PROX1: variants seen among roughly 807,000 people sequenced by gnomAD.
PROX1 encodes the protein prospero homeobox 1.
Under a neutral mutation model 58.8 loss-of-function variants are expected in PROX1, and 7 were observed. The observed-to-expected ratio is 0.12, with a 90% CI of 0.07 to 0.22. The LOEUF (loss-of-function observed/expected upper bound fraction) is 0.22. Among genes scored for constraint, PROX1 ranks in the 10% least tolerant of loss-of-function variants. The pLI is 1.00. For synonymous variants in PROX1, 350 were observed against 358.3 expected (o/e 0.98, Z 0.26); for missense variants, 675 against 927.8 (o/e 0.73, Z 3.54).
intron 4 of PROX1, among the ~76,000 whole-genome samples, chr1:214,032,383 TA>T (rs1664686613): frequency 6.6e-6 from 1 of 152,018 alleles, no homozygotes; most frequent in South Asian, 2.1e-4. Context: ...ACTTTACCAT[TA>T]TTTTAAACTT....
chr1:213,990,908 C>G (rs1261022491), intron 1 of PROX1, among the ~76,000 whole-genome samples: 1 of 151,952 alleles, frequency 6.6e-6, no homozygotes, highest in Non-Finnish European at 1.5e-5. Flanking sequence ...TGTCATTGTC[C>G]CAGACATGTG....
upstream of PROX1, chr1:213,987,621 GCCGTCT>G (rs1209688375): frequency 6.8e-6 from 1 of 147,106 alleles, no homozygotes; most frequent in Non-Finnish European, 1.5e-5. Context: ...CGCCGCTCGC[GCCGTCT>G]CCCGCTTTGC....
At chr1:214,011,800 T>G in intron 4 of PROX1, 85 bp downstream of exon 4, 1 of 1,238,010 alleles carries the variant, frequency 8.1e-7, no homozygotes, top group Non-Finnish European at 1.1e-6. Context: ...CCAAATCTGT[T>G]TTTGTGTTGG....
intron 4 of PROX1, among the ~76,000 whole-genome samples, chr1:214,020,402 C>CA (rs2102751609): frequency 6.6e-6 from 1 of 152,334 alleles, no homozygotes; most frequent in Admixed American, 6.5e-5. Context: ...TACCCTCTCC[C>CA]AAAACCACTG....
chr1:214,002,412 CTT>C (rs774337530), intron 2 of PROX1, among the ~76,000 whole-genome samples: 298 of 116,312 alleles, frequency 2.6e-3, no homozygotes, highest in African/African-American at 9.0e-3. Context: ...TTTCTTTTTT[CTT>C]TTTTTTTTTT....
rs1347622184 is a variant in PROX1, at chr1:214,038,446, A to C, written c.*2612A>C. 1.3e-5 allele frequency: 2 copies of C among 151,972 alleles called. No homozygotes were observed. Among genetic ancestry groups the C allele is most frequent in the African/African-American group, 4.8e-5 (2 of 41,364 alleles). The allele number at this position is 151,972 out of a possible 1,614,324, so 9.4% of individuals were successfully genotyped here. On this transcript the variant is annotated 3_prime_UTR_variant, in exon 5 of 5. Coordinates refer to ENST00000366958, the MANE Select transcript of PROX1 (RefSeq NM_001270616.2). ...CTTAGCTCAACTCTCACCAAGTGAA[A>C]ATTGGCTACTTGGGAGAAAGTTAAC...
rs768366905 is a variant in PROX1 at position 213,988,411 on chromosome 1, AGAG to A, written c.-139_-137del. The A allele has an allele frequency of 2.0e-5, 3 of 147,932 alleles. No homozygotes were observed. The highest frequency in any genetic ancestry group is 2.1e-4 in the South Asian group (1 of 4,702). 9.2% of individuals were successfully genotyped at this position (147,932 alleles called of 1,614,324 possible). A position where few individuals can be genotyped will look rare whatever the true frequency, so the allele number is the denominator to read the frequency against. On this transcript the variant is annotated 5_prime_UTR_variant, in exon 1 of 5. Transcript: ENST00000366958. ...TCCTCTCTCTGCCGGGGGAAAAAAA[AGAG>A]AGAGAGAGAGATAGAGAGAGAGAGA...
chr1:213,985,399 A>T (rs1571787058), upstream of PROX1: 1 of 152,356 alleles, frequency 6.6e-6, no homozygotes, highest in Non-Finnish European at 1.5e-5. Context: ...CCCCGACAGT[A>T]GAGGACAGGA....
At position 214,039,426 on chromosome 1, in the gene PROX1, G is replaced by T. The variant is rs773698888; in HGVS notation, c.*3592G>T. The T allele has an allele frequency of 6.6e-6, 1 of 151,926 alleles. No individual in the cohort carries two copies. The highest frequency in any genetic ancestry group is 1.5e-5 in the Non-Finnish European group (1 of 68,000). The allele number at this position is 151,926 out of a possible 1,614,324, so 9.4% of individuals were successfully genotyped here. On this transcript the variant is annotated 3_prime_UTR_variant, in exon 5 of 5. Transcript: ENST00000366958. ...CTTTGTCACTGTACTAGGGATGTGG[G>T]TGAATATCATTTAAAAAAATTTAAA... is the stretch of plus-strand genomic sequence containing the variant.
chr1:214,011,486 A>G (rs1663908168), intron 3 of PROX1, 35 bp from the exon 4 acceptor site: 2 of 1,536,694 alleles, frequency 1.3e-6, no homozygotes, highest in Non-Finnish European at 1.8e-6. Flanking sequence ...GAAAATGGCA[A>G]TGTTCTTATC....
In PROX1 at chr1:213,997,519, A is replaced by G; in HGVS notation, c.984A>G (p.Glu328=). Residue 328 remains glutamate (E), a synonymous_variant, in exon 2 of 5, where the codon GAA becomes GAG. Coordinates refer to ENST00000366958, the MANE Select transcript of PROX1 (RefSeq NM_001270616.2). This position sits in a 1 kb window ranked among gnomAD's most constrained non-coding sequence, Gnocchi z 7.1. ...TGGCTGAAAACAAGCCGAAGCGAGA[A>G]GGCAACAACAAAGAAAGAGACCATG... ...QEMAENKPKR[E]GNNKERDHGP... 1 of 1,614,066 alleles carries G rather than the reference A, an allele frequency of 6.2e-7. No individual in the cohort carries two copies.
At chr1:214,027,093 C>T (rs1255507318) in intron 4 of PROX1, among the ~76,000 whole-genome samples, 1 of 152,172 alleles carries the variant, frequency 6.6e-6, no homozygotes, top group African/African-American at 2.4e-5. Flanking sequence ...GACCTGCTTT[C>T]CCGTTGCCAC....
intron 1 of PROX1, among the ~76,000 whole-genome samples, chr1:213,991,160 G>A (rs915114209): frequency 6.6e-6 from 1 of 152,188 alleles, no homozygotes; most frequent in Non-Finnish European, 1.5e-5. Context: ...AGTAAAATAG[G>A]TGAAGCTAAG....
chr1:214,010,227 T>C (rs1236684446), intron 3 of PROX1, among the ~76,000 whole-genome samples: 2 of 152,206 alleles, frequency 1.3e-5, no homozygotes, highest in African/African-American at 4.8e-5. Context: ...GTCAATTATC[T>C]GTAAGGGCCC....
At chr1:214,015,635 G>C (rs2102740626) in intron 4 of PROX1, among the ~76,000 whole-genome samples, 1 of 152,274 alleles carries the variant, frequency 6.6e-6, no homozygotes, top group South Asian at 2.1e-4. Context: ...CAACTAACTT[G>C]TGTAACTCAC....
rs1045469021 is a variant in PROX1 at position 213,990,886 on chromosome 1, G to A, written c.-68+2403G>A. Among the ~76,000 whole-genome samples, 16 of 152,092 alleles carry A rather than the reference G, an allele frequency of 1.1e-4. 1 individual carries two copies. The highest frequency in any genetic ancestry group is 7.2e-4 in the Admixed American group (11 of 15,268). ...GTCATATGTTAAATAATCTCATAAA[G>A]TAGAATGAGCCTGTCATTGTCCCAG... On this transcript the variant is annotated intron_variant, in intron 1 of 4. Coordinates refer to ENST00000366958, the MANE Select transcript of PROX1 (RefSeq NM_001270616.2).
intron 4 of PROX1, among the ~76,000 whole-genome samples, chr1:214,019,639 G>A (rs1664212798): frequency 6.6e-6 from 1 of 152,156 alleles, no homozygotes; most frequent in Non-Finnish European, 1.5e-5. Flanking sequence ...CGCATTACAG[G>A]CCTCCCCTCC....
intron 4 of PROX1, among the ~76,000 whole-genome samples, chr1:214,014,022 C>T (rs1175130285): frequency 6.6e-6 from 1 of 152,170 alleles, no homozygotes; most frequent in African/African-American, 2.4e-5. Flanking sequence ...CCTAATATCA[C>T]GAAATCGTTT....
chr1:214,016,185 A>T (rs1300954286), intron 4 of PROX1, among the ~76,000 whole-genome samples: 1 of 152,148 alleles, frequency 6.6e-6, no homozygotes, highest in Non-Finnish European at 1.5e-5. Context: ...ATAGAAAATA[A>T]AAAACAACAC....
Sources: gnomAD v4.1 joint callset for allele counts (sites outside exome capture counted in the v4.1 genomes callset) on GRCh38, gnomAD v4.1.1 for gene constraint, Gnocchi (gnomAD v3.1) non-coding constraint, MANE v1.5 for transcripts, NCBI Gene and HGNC (gene_info 2026-07-23, HGNC 2026-07-21) for gene names.